The following GRB10 variants were observed in gnomAD, a reference collection of about 807,000 sequenced individuals.
GRB10 encodes growth factor receptor bound protein 10.
GRB10 carries 20 observed loss-of-function variants against 80.9 expected under a neutral mutation model. The ratio of observed to expected loss-of-function variants is 0.25; its 90% confidence interval spans 0.17 to 0.36. GRB10 has a LOEUF of 0.36. Among genes scored for constraint, GRB10 ranks in the 10% least tolerant of loss-of-function variants. GRB10 has a pLI of 1.00. For missense variants in GRB10, 548 were observed against 747.7 expected (o/e 0.73, Z 3.12); for synonymous variants, 291 against 291.5 (o/e 1.00, Z 0.02).
intron 13 of GRB10, chr7:50,606,738 A>G (rs1032094581): frequency 3.0e-6 from 1 of 338,180 alleles, no homozygotes; most frequent in Non-Finnish European, 5.6e-6. Flanking sequence ...CCATATTTTT[A>G]TAAGGAAGCT....
rs144453141 is a variant in GRB10, at chr7:50,687,477, G to A, written c.140-12819C>T. On this transcript the variant is annotated intron_variant, in intron 5 of 18. Transcript: ENST00000401949. ...GTCCAGGAAGTGCAGCGAATTCAAC[G>A]TCTGCCCTGGGCTTTTCTGCTCTGA... 2.7e-3 allele frequency among the ~76,000 whole-genome samples: 407 copies of A among 152,302 alleles called. 1 individual carries two copies. Among genetic ancestry groups the A allele is most frequent in the African/African-American group, 8.1e-3 (337 of 41,572 alleles).
intron 5 of GRB10, among the ~76,000 whole-genome samples, chr7:50,680,218 T>C (rs1468084234): frequency 1.3e-5 from 2 of 152,204 alleles, no homozygotes; most frequent in African/African-American, 4.8e-5. Context: ...ATAAAATCCC[T>C]AGAATTAGTC....
At chr7:50,719,735 G>A (rs2067421678) in intron 4 of GRB10, among the ~76,000 whole-genome samples, 2 of 151,974 alleles carry the variant, frequency 1.3e-5, no homozygotes, top group African/African-American at 4.8e-5. Flanking sequence ...ACAATTACAC[G>A]GATGCCACTT....
chr7:50,688,423 C>A (rs1356754164), intron 5 of GRB10, among the ~76,000 whole-genome samples: 1 of 151,994 alleles, frequency 6.6e-6, no homozygotes, highest in African/African-American at 2.4e-5. Flanking sequence ...AGAGAAACAT[C>A]CAGGGAGAAG....
chr7:50,754,485 G>C (rs2074724400), intron 3 of GRB10, among the ~76,000 whole-genome samples: 1 of 152,186 alleles, frequency 6.6e-6, no homozygotes, highest in Admixed American at 6.5e-5. Flanking sequence ...GGAGGCTCCA[G>C]CTCCCTCTCC....
At chr7:50,595,913 C>G (rs76087825) in intron 17 of GRB10, 1 of 188,660 alleles carries the variant, frequency 5.3e-6, no homozygotes, top group Non-Finnish European at 1.1e-5. Flanking sequence ...ATCTGGGCAT[C>G]AAAATGAATT....
At chr7:50,711,118 A>G (rs1339678222) in intron 4 of GRB10, 3 of 580,648 alleles carry the variant, frequency 5.2e-6, no homozygotes, top group Non-Finnish European at 9.3e-6. Flanking sequence ...CATAACCTAC[A>G]GGCTTAACAG....
chr7:50,670,072 A>G (rs1396573210), intron 6 of GRB10, among the ~76,000 whole-genome samples: 1 of 152,228 alleles, frequency 6.6e-6, no homozygotes, highest in Non-Finnish European at 1.5e-5. Context: ...AATATGTGGC[A>G]TATCCATACC....
At chr7:50,735,501 G>T (rs1434458570) in intron 3 of GRB10, among the ~76,000 whole-genome samples, 1 of 152,144 alleles carries the variant, frequency 6.6e-6, no homozygotes, top group East Asian at 1.9e-4. Context: ...ATTGAAAGGG[G>T]ATGATTTAGG....
chr7:50,747,016 C>T (rs2153699139), intron 3 of GRB10, among the ~76,000 whole-genome samples: 1 of 152,358 alleles, frequency 6.6e-6, no homozygotes, highest in East Asian at 1.9e-4. Context: ...CTGCATCCCT[C>T]TGCAAGTGTT....
At chr7:50,609,603 T>C (rs755759918) in intron 13 of GRB10, among the ~76,000 whole-genome samples, 2 of 152,246 alleles carry the variant, frequency 1.3e-5, no homozygotes, top group Non-Finnish European at 2.9e-5. Flanking sequence ...GCCTTTTCAA[T>C]GTCAGGTCAT....
intron 5 of GRB10, among the ~76,000 whole-genome samples, chr7:50,695,515 T>C (rs555254396): frequency 1.6e-4 from 24 of 152,318 alleles, no homozygotes; most frequent in African/African-American, 5.3e-4. Flanking sequence ...CTGACTTCAG[T>C]CCTCTCTCTG....
chr7:50,755,212 C>T (rs2153702989), intron 3 of GRB10, among the ~76,000 whole-genome samples: 1 of 152,342 alleles, frequency 6.6e-6, no homozygotes, highest in South Asian at 2.1e-4. Flanking sequence ...GGCCTCAGCT[C>T]TCTGCCTGCA....
intron 4 of GRB10, among the ~76,000 whole-genome samples, chr7:50,712,882 A>C (rs1407262782): frequency 3.3e-5 from 5 of 152,210 alleles, no homozygotes; most frequent in Admixed American, 6.5e-5. Context: ...CAAACCAATG[A>C]ATGTTAGTAT....
chr7:50,640,113 C>A (rs1199681320), intron 7 of GRB10, among the ~76,000 whole-genome samples: 2 of 152,324 alleles, frequency 1.3e-5, no homozygotes, highest in East Asian at 3.9e-4. Context: ...GGGCTCCTCC[C>A]AAACAGGGGC....
rs114096323 is a variant in GRB10 at position 50,621,800 on chromosome 7, C to T, written c.662-2515G>A. Among the ~76,000 whole-genome samples, 707 of 152,296 alleles carry T rather than the reference C, an allele frequency of 4.6e-3. 6 individuals carry two copies. The highest frequency in any genetic ancestry group is 0.016 in the African/African-American group (677 of 41,538). On this transcript the variant is annotated intron_variant, in intron 8 of 18. Transcript: ENST00000401949. ...TCAAGAAATGGAAAGGGCAAAAATT[C>T]CTTGAAGTACATTTGTATTTTTCAA... is the stretch of plus-strand genomic sequence containing the variant.
At position 50,592,678 on chromosome 7, in the gene GRB10, T is replaced by C. The variant is rs777751391; in HGVS notation, c.*274A>G. On this transcript the variant is annotated 3_prime_UTR_variant, in exon 19 of 19. Transcript: ENST00000401949. ...TGTTCCTAAGCGGCCCAAGCCAAGA[T>C]GATCATTCCAGTTTATTTTCAACTT... 1 of 508,112 alleles carries C rather than the reference T, an allele frequency of 2.0e-6. No homozygotes were observed. The highest frequency in any genetic ancestry group is 1.9e-5 in the African/African-American group (1 of 52,060). The allele number at this position is 508,112 out of a possible 1,614,324, so 31.5% of individuals were successfully genotyped here.
intron 2 of GRB10, among the ~76,000 whole-genome samples, chr7:50,778,178 C>T (rs909159993): frequency 6.6e-6 from 1 of 152,240 alleles, no homozygotes; most frequent in Non-Finnish European, 1.5e-5. Flanking sequence ...AGCCATCTTC[C>T]TCTTAAAGTG....
chr7:50,623,396 A>C (rs2052249393), intron 8 of GRB10, among the ~76,000 whole-genome samples: 1 of 152,332 alleles, frequency 6.6e-6, no homozygotes, highest in Non-Finnish European at 1.5e-5. Flanking sequence ...TCCAGTAGTG[A>C]ATGTCCCCAG....
Sources: gnomAD v4.1 joint callset for allele counts (sites outside exome capture counted in the v4.1 genomes callset) on GRCh38, gnomAD v4.1.1 for gene constraint, MANE v1.5 for transcripts, NCBI Gene and HGNC (gene_info 2026-07-23, HGNC 2026-07-21) for gene names.